POLA1: variants seen among roughly 807,000 people sequenced by gnomAD.
The protein encoded by POLA1 is DNA polymerase alpha 1, catalytic subunit, also known as DNA polymerase alpha catalytic subunit.
POLA1 carries 15 observed loss-of-function variants against 124.0 expected under a neutral mutation model. That is an observed-to-expected ratio of 0.12 (90% CI 0.08 to 0.19). POLA1 has a LOEUF of 0.19. Among genes scored for constraint, POLA1 ranks in the 10% least tolerant of loss-of-function variants. POLA1 has a pLI of 1.00. For missense variants in POLA1, 886 were observed against 1,103.4 expected (o/e 0.80, Z 2.79); for synonymous variants, 408 against 389.4 (o/e 1.05, Z -0.56).
At chrX:24,769,991 T>G (rs1320567029) in intron 26 of POLA1, among the ~76,000 whole-genome samples, 2 of 112,315 alleles carry the variant, frequency 1.8e-5, no homozygotes, top group Non-Finnish European at 3.8e-5. Flanking sequence ...GCTTCTCACA[T>G]TTGTGCCACT....
chrX:24,975,387 CTT>C (rs1284633586), intron 36 of POLA1, among the ~76,000 whole-genome samples: 1 of 111,346 alleles, frequency 9.0e-6, no homozygotes, highest in Non-Finnish European at 1.9e-5. Flanking sequence ...AATAAATTCA[CTT>C]TAGCAATAAT....
intron 35 of POLA1, among the ~76,000 whole-genome samples, chrX:24,910,129 A>C (rs1270880624): frequency 9.6e-6 from 1 of 104,129 alleles, no homozygotes; most frequent in Non-Finnish European, 2.0e-5. Context: ...GCTTAAGGAG[A>C]TTTTGGGCTG....
chrX:24,891,033 CATTCTTGG>C (rs2047136994), intron 35 of POLA1, among the ~76,000 whole-genome samples: 4 of 112,329 alleles, frequency 3.6e-5, no homozygotes, highest in Non-Finnish European at 7.5e-5. Flanking sequence ...TTTATGATTG[CATTCTTGG>C]TAAGAGAAGG....
intron 36 of POLA1, among the ~76,000 whole-genome samples, chrX:24,945,277 C>T (rs1229290600): frequency 2.7e-5 from 3 of 112,539 alleles, no homozygotes; most frequent in Admixed American, 9.4e-5. Context: ...TTTGTCTAAA[C>T]GACTATCTAT....
At chrX:24,955,892 AT>A (rs1386100746) in intron 36 of POLA1, among the ~76,000 whole-genome samples, 1 of 112,419 alleles carries the variant, frequency 8.9e-6, no homozygotes, top group Admixed American at 9.4e-5. Flanking sequence ...ACCTAAAACC[AT>A]TTTTTAAAGC....
At chrX:24,961,616 G>C (rs2048168960) in intron 36 of POLA1, among the ~76,000 whole-genome samples, 1 of 111,255 alleles carries the variant, frequency 9.0e-6, no homozygotes. Context: ...TTCTCCCAAA[G>C]TAAGCAAGAC....
At chrX:24,735,271 C>A in intron 17 of POLA1, 128 bp from the exon 18 acceptor site, 1 of 421,780 alleles carries the variant, frequency 2.4e-6, no homozygotes. Context: ...TTCATTGCTA[C>A]ATTTAGTTTT....
rs765477280 is a variant in POLA1 at position 24,732,427 on chromosome X, A to G, written c.1744A>G (p.Lys582Glu). 3 of 1,183,756 alleles carry G rather than the reference A, an allele frequency of 2.5e-6. No individual in the cohort carries two copies. The highest frequency in any genetic ancestry group is 4.4e-5 in the Admixed American group (2 of 45,603). ...TTTTGCATTGGATAAAGCAGCCCCA[A>G]AGCCTCCCTTTCAGTCACACTTCTG... ...HSFALDKAAP[K>E]PPFQSHFCVV... The change falls in exon 16 of 37, where the codon AAG becomes GAG. Residue 582 changes from lysine (K) to glutamate (E), a missense_variant. Lys to Glu is a moderately conservative substitution (Grantham distance 56, BLOSUM62 1). Around this residue, in one of 7 missense-constraint regions of POLA1, gnomAD observed 337 missense variants for 402.8 expected, o/e 0.84. Transcript: ENST00000379068.
chrX:24,817,177 G>A (rs1167849368), intron 30 of POLA1, among the ~76,000 whole-genome samples: 1 of 111,833 alleles, frequency 8.9e-6, no homozygotes, highest in Non-Finnish European at 1.9e-5. Flanking sequence ...AGTAAGCATT[G>A]AAAGAATTCA....
chrX:24,902,314 C>T (rs2047293445), intron 35 of POLA1, among the ~76,000 whole-genome samples: 1 of 111,698 alleles, frequency 9.0e-6, no homozygotes, highest in Non-Finnish European at 1.9e-5. Context: ...CTTGTCAGTC[C>T]CTTCTCTGTG....
chrX:24,753,688 T>G (rs888597343), intron 26 of POLA1, among the ~76,000 whole-genome samples: 1 of 112,174 alleles, frequency 8.9e-6, no homozygotes, highest in Admixed American at 9.5e-5. Flanking sequence ...TATGTACTTA[T>G]AAGTATACTC....
chrX:24,879,584 T>C (rs771314695), intron 34 of POLA1, among the ~76,000 whole-genome samples: 224 of 111,985 alleles, frequency 2.0e-3, no homozygotes, highest in South Asian at 6.8e-3. Context: ...GAGCTCTTTG[T>C]GTTTTGTTGA....
intron 36 of POLA1, among the ~76,000 whole-genome samples, chrX:24,982,815 G>GTA (rs2048436996): frequency 9.0e-6 from 1 of 110,715 alleles, no homozygotes; most frequent in South Asian, 3.9e-4. Context: ...GATGGCAGCT[G>GTA]TATACGTTGT....
intron 26 of POLA1, among the ~76,000 whole-genome samples, chrX:24,804,898 A>G (rs2045773074): frequency 8.9e-6 from 1 of 112,052 alleles, no homozygotes; most frequent in Non-Finnish European, 1.9e-5. Flanking sequence ...TCTTAGTAGT[A>G]GTTGGTCTTA....
chrX:24,816,029 T>A (rs1379368796), intron 30 of POLA1, among the ~76,000 whole-genome samples: 1 of 112,534 alleles, frequency 8.9e-6, no homozygotes, highest in Non-Finnish European at 1.9e-5. Flanking sequence ...GTTTCACTGA[T>A]ACATCTTTAT....
chrX:24,779,208 A>G (rs1461523270), intron 26 of POLA1, among the ~76,000 whole-genome samples: 2 of 110,290 alleles, frequency 1.8e-5, no homozygotes, highest in East Asian at 5.7e-4. Flanking sequence ...CTTCCTGAGT[A>G]TTTAGGATTA....
intron 26 of POLA1, among the ~76,000 whole-genome samples, chrX:24,773,349 A>G (rs1241288900): frequency 1.8e-5 from 2 of 111,876 alleles, no homozygotes; most frequent in African/African-American, 6.5e-5. Context: ...TGTTATTTAC[A>G]GTGATTTTGA....
intron 34 of POLA1, among the ~76,000 whole-genome samples, chrX:24,877,769 T>C (rs1045974470): frequency 1.8e-5 from 2 of 111,930 alleles, no homozygotes; most frequent in Non-Finnish European, 3.8e-5. Flanking sequence ...TCTTAAATTA[T>C]GGCCATTCAG....
chrX:24,703,365 G>T lies in POLA1; in HGVS notation c.265+18G>T, dbSNP rs762426648. The T allele has an allele frequency of 5.3e-5, 56 of 1,060,158 alleles. 1 individual carries two copies. Among genetic ancestry groups the T allele is most frequent in the Non-Finnish European group, 7.0e-5 (53 of 762,018 alleles). The allele number at this position is 1,060,158 out of a possible 1,213,427, so 87.4% of individuals were successfully genotyped here. A position where few individuals can be genotyped will look rare whatever the true frequency, so the allele number is the denominator to read the frequency against. On this transcript the variant is annotated intron_variant, in intron 3 of 36. Coordinates refer to ENST00000379068, the MANE Select transcript of POLA1 (RefSeq NM_001330360.2). ...GGATGATGGTAGGTGGGGCGGAGGT[G>T]GGGGCGGGGATGTTGCTTCCTAGGC...
Sources: allele counts gnomAD v4.1 joint callset (sites outside exome capture counted in the v4.1 genomes callset), GRCh38; gene constraint gnomAD v4.1.1; regional missense constraint gnomAD v4.1.1; transcripts MANE v1.5; gene names NCBI Gene and HGNC (gene_info 2026-07-23, HGNC 2026-07-21).